AGBL1: variants seen among roughly 807,000 people sequenced by gnomAD.
AGBL1 encodes AGBL carboxypeptidase 1.
AGBL1 carries 130 observed loss-of-function variants against 118.9 expected under a neutral mutation model. The ratio of observed to expected loss-of-function variants is 1.09; its 90% CI spans 0.95 to 1.26. The LOEUF is 1.26. Among genes scored for constraint, AGBL1 ranks in the 50% most tolerant of loss-of-function variants. AGBL1 has a pLI of 0.00. For missense variants in AGBL1, 1,584 were observed against 1,298.1 expected, an observed-to-expected ratio of 1.22 and a Z score of -3.38; for synonymous variants, 555 against 478.9, an observed-to-expected ratio of 1.16 and a Z score of -2.08.
intron 22 of AGBL1, among the ~76,000 whole-genome samples, chr15:86,813,185 G>A (rs566600048): frequency 1.6e-5 from 2 of 122,012 alleles, no homozygotes; most frequent in South Asian, 5.8e-4. Flanking sequence ...AGTAATGATG[G>A]GTCACACCTT....
At chr15:86,223,477 C>T in intron 5 of AGBL1, among the ~76,000 whole-genome samples, 1 of 152,294 alleles carries the variant, frequency 6.6e-6, no homozygotes, top group Non-Finnish European at 1.5e-5. Context: ...TTTCACACAA[C>T]TTGAATTTTC....
At chr15:86,671,291 A>T (rs1045673409) in intron 21 of AGBL1, among the ~76,000 whole-genome samples, 7 of 152,026 alleles carry the variant, frequency 4.6e-5, no homozygotes, top group African/African-American at 1.7e-4. Context: ...AACAAACAGG[A>T]GAATGGCAGA....
chr15:86,269,489 C>T (rs185422654), intron 13 of AGBL1, among the ~76,000 whole-genome samples: 11 of 152,174 alleles, frequency 7.2e-5, no homozygotes, highest in African/African-American at 2.4e-4. Flanking sequence ...AAAAGGTGTG[C>T]TAATATTTCA....
intron 22 of AGBL1, among the ~76,000 whole-genome samples, chr15:86,752,094 A>G (rs949300061): frequency 2.0e-5 from 3 of 151,988 alleles, no homozygotes; most frequent in Admixed American, 6.6e-5. Flanking sequence ...ACCCCTCCCA[A>G]TGGCCCATCT....
At chr15:86,533,570 TA>T (rs1387937020) in intron 19 of AGBL1, among the ~76,000 whole-genome samples, 1 of 136,788 alleles carries the variant, frequency 7.3e-6, no homozygotes, top group Non-Finnish European at 1.5e-5. Context: ...CTCAGGGATC[TA>T]GAACTAGAAA....
chr15:86,676,555 C>T (rs1205528401), intron 22 of AGBL1, among the ~76,000 whole-genome samples: 1 of 130,400 alleles, frequency 7.7e-6, no homozygotes, highest in Admixed American at 7.4e-5. Flanking sequence ...TAATAATCAG[C>T]AGAGTGAATC....
At position 86,266,431 on chromosome 15, in the gene AGBL1, A is replaced by G; in HGVS notation, c.1725A>G (p.Lys575=). ...TCCAGCCAAGTGATGTTATAAATAA[A>G]GTTGTCTTCAGTTTAGATGAGCCTT... ...RLIQPSDVIN[K]VVFSLDEPWP... is the part of the protein sequence containing the mutation. The change falls in exon 12 of 23, where the codon AAA becomes AAG. Residue 575 remains lysine (K), a synonymous_variant. Coordinates refer to ENST00000614907, the MANE Select transcript of AGBL1 (RefSeq NM_001386094.1). 6.4e-7 allele frequency: 1 copy of G among 1,571,560 alleles called. No individual in the cohort carries two copies. Among genetic ancestry groups the G allele is most frequent in the Non-Finnish European group, 8.6e-7 (1 of 1,156,354 alleles).
intron 1 of AGBL1, among the ~76,000 whole-genome samples, chr15:86,141,212 T>C (rs1026801314): frequency 1.3e-5 from 2 of 152,214 alleles, no homozygotes; most frequent in Admixed American, 1.3e-4. Context: ...GTATCAAGCA[T>C]TGCAGAGATC....
chr15:86,495,133 T>C (rs1489300109), intron 18 of AGBL1, among the ~76,000 whole-genome samples: 1 of 151,866 alleles, frequency 6.6e-6, no homozygotes, highest in African/African-American at 2.4e-5. Flanking sequence ...TCGCTTTCTT[T>C]CTTTCTCTCT....
At chr15:86,828,259 T>G (rs1694249756) in intron 22 of AGBL1, among the ~76,000 whole-genome samples, 1 of 151,988 alleles carries the variant, frequency 6.6e-6, no homozygotes, top group African/African-American at 2.4e-5. Context: ...ACGACTTTTT[T>G]ATGGCAAATG....
intron 19 of AGBL1, among the ~76,000 whole-genome samples, chr15:86,543,962 T>C (rs2083541360): frequency 6.6e-6 from 1 of 152,316 alleles, no homozygotes; most frequent in Middle Eastern, 3.4e-3. Context: ...GAAACTATAA[T>C]GGAATTTTGG....
chr15:86,371,579 A>G (rs965637269), intron 17 of AGBL1, among the ~76,000 whole-genome samples: 1 of 152,142 alleles, frequency 6.6e-6, no homozygotes, highest in Non-Finnish European at 1.5e-5. Context: ...CATCACAATC[A>G]TTATCTACTA....
intron 18 of AGBL1, among the ~76,000 whole-genome samples, chr15:86,404,408 T>G (rs2081494073): frequency 6.6e-6 from 1 of 152,144 alleles, no homozygotes; most frequent in African/African-American, 2.4e-5. Flanking sequence ...ATGGCTCACT[T>G]TCACTCAACT....
intron 22 of AGBL1, among the ~76,000 whole-genome samples, chr15:86,718,426 A>G (rs1164295008): frequency 2.0e-5 from 3 of 152,174 alleles, no homozygotes; most frequent in East Asian, 1.9e-4. Flanking sequence ...TAGGAGGTAT[A>G]TCTAATGTAA....
intron 1 of AGBL1, among the ~76,000 whole-genome samples, chr15:86,127,395 T>C (rs2076760931): frequency 6.6e-6 from 1 of 152,178 alleles, no homozygotes; most frequent in Non-Finnish European, 1.5e-5. Context: ...CCTATAGAAA[T>C]AAGAACTTGG....
chr15:86,942,301 G>C (rs2080763176), intron 23 of AGBL1, among the ~76,000 whole-genome samples: 1 of 152,188 alleles, frequency 6.6e-6, no homozygotes, highest in South Asian at 2.1e-4. Flanking sequence ...CATCCCCTAA[G>C]GTGGAGGAGG....
chr15:86,306,127 A>G (rs1055453517), intron 17 of AGBL1, among the ~76,000 whole-genome samples: 27 of 152,174 alleles, frequency 1.8e-4, no homozygotes, highest in African/African-American at 4.8e-4. Flanking sequence ...ACAATGGGAC[A>G]TCCATCCCCT....
intron 1 of AGBL1, among the ~76,000 whole-genome samples, chr15:86,134,472 A>G (rs577361710): frequency 1.3e-5 from 2 of 152,256 alleles, no homozygotes; most frequent in African/African-American, 4.8e-5. Context: ...GGCACTACTC[A>G]AAGTGCGAGG....
chr15:86,395,575 T>C (rs2081349838), intron 17 of AGBL1, among the ~76,000 whole-genome samples: 1 of 152,108 alleles, frequency 6.6e-6, no homozygotes, highest in Admixed American at 6.6e-5. Flanking sequence ...CCAGTGCTCC[T>C]GCAGTTCTTG....
Sources: allele counts gnomAD v4.1 joint callset (sites outside exome capture counted in the v4.1 genomes callset), GRCh38; gene constraint gnomAD v4.1.1; transcripts MANE v1.5; gene names NCBI Gene and HGNC (gene_info 2026-07-23, HGNC 2026-07-21).